ACOT12: variants seen among roughly 807,000 people sequenced by gnomAD.
ACOT12 encodes the protein acyl-CoA thioesterase 12.
ACOT12 carries 51 observed loss-of-function variants against 67.7 expected under a neutral mutation model. The ratio of observed to expected loss-of-function variants is 0.75; its 90% CI spans 0.60 to 0.95. ACOT12 has a LOEUF of 0.95. Among genes scored for constraint, ACOT12 ranks in the 40% least tolerant of loss-of-function variants. The probability of loss-of-function intolerance (pLI) is 0.00; values close to 1 mark genes in which losing one functional copy is unlikely to be tolerated. For missense variants in ACOT12, 734 were observed against 708.1 expected (o/e 1.04, Z -0.41); for synonymous variants, 251 against 244.6 (o/e 1.03, Z -0.24).
chr5:81,353,123 C>T (rs187528825), intron 5 of ACOT12, among the ~76,000 whole-genome samples: 1 of 152,218 alleles, frequency 6.6e-6, no homozygotes, highest in African/African-American at 2.4e-5. Context: ...TAAAGAGAAA[C>T]CACATACTTC....
intron 11 of ACOT12, among the ~76,000 whole-genome samples, chr5:81,336,295 G>A (rs1283246987): frequency 6.6e-6 from 1 of 152,160 alleles, no homozygotes; most frequent in Non-Finnish European, 1.5e-5. Flanking sequence ...CCTCAAAAGA[G>A]CAGAGTCAAG....
chr5:81,375,960 A>T (rs1760398617), intron 2 of ACOT12, among the ~76,000 whole-genome samples: 1 of 152,194 alleles, frequency 6.6e-6, no homozygotes, highest in Non-Finnish European at 1.5e-5. Flanking sequence ...GATATTCAGA[A>T]CTTGAACTCA....
chr5:81,356,971 C>T (rs903788643), intron 5 of ACOT12, among the ~76,000 whole-genome samples: 8 of 151,968 alleles, frequency 5.3e-5, no homozygotes, highest in African/African-American at 1.9e-4. Context: ...CCAAGCCTCT[C>T]GACATGGCCC....
chr5:81,371,222 T>G (rs1309144864), intron 3 of ACOT12, among the ~76,000 whole-genome samples: 1 of 152,180 alleles, frequency 6.6e-6, no homozygotes, highest in East Asian at 1.9e-4. Context: ...AATAGTGTAC[T>G]GTATCATGTT....
chr5:81,335,967 C>T, intron 11 of ACOT12, 66 bp from the exon 12 acceptor site: 1 of 1,503,764 alleles, frequency 6.6e-7, no homozygotes. Context: ...AAACCATATG[C>T]ATATATATGT....
the ACOT12 span, among the ~76,000 whole-genome samples, chr5:81,315,116 G>A: frequency 2.0e-4 from 30 of 152,200 alleles, no homozygotes; most frequent in South Asian, 5.2e-3. Flanking sequence ...TTTCAGTCCC[G>A]TCTTTTCACC....
chr5:81,349,581 C>T (rs904846191), intron 5 of ACOT12, among the ~76,000 whole-genome samples: 3 of 152,196 alleles, frequency 2.0e-5, no homozygotes, highest in Non-Finnish European at 4.4e-5. Flanking sequence ...CTCTGACCTC[C>T]ACAGCTCAGC....
chr5:81,372,315 A>C lies in ACOT12; in HGVS notation c.198-505T>G, dbSNP rs561650960. ...ACTATTATTGAAACTTCGATCATGT[A>C]ACCTGAAGTTGTTCCAAAACTTTTG... is the stretch of plus-strand genomic sequence containing the variant. On this transcript the variant is annotated intron_variant, in intron 2 of 14. Coordinates refer to ENST00000307624, the MANE Select transcript of ACOT12 (RefSeq NM_130767.3). Among the ~76,000 whole-genome samples, 22 of 152,284 alleles carry C rather than the reference A, an allele frequency of 1.4e-4. No homozygotes were observed. In the East Asian group the frequency reaches 3.9e-3, roughly 27 times the overall value.
At chr5:81,334,152 C>T (rs1328760105) in intron 12 of ACOT12, among the ~76,000 whole-genome samples, 1 of 152,034 alleles carries the variant, frequency 6.6e-6, no homozygotes, top group Non-Finnish European at 1.5e-5. Context: ...AAAGCAACTT[C>T]CACCACTCAA....
At chr5:81,383,016 T>C (rs1441790819) in intron 2 of ACOT12, among the ~76,000 whole-genome samples, 1 of 152,174 alleles carries the variant, frequency 6.6e-6, no homozygotes. Context: ...TATTACCATG[T>C]TTCCAATATC....
At chr5:81,374,562 C>T (rs542149423) in intron 2 of ACOT12, among the ~76,000 whole-genome samples, 1 of 152,090 alleles carries the variant, frequency 6.6e-6, no homozygotes, top group Non-Finnish European at 1.5e-5. Flanking sequence ...GGAGCATGTT[C>T]TAACCCAATG....
chr5:81,385,524 G>A (rs1760703279), intron 2 of ACOT12, among the ~76,000 whole-genome samples: 1 of 152,116 alleles, frequency 6.6e-6, no homozygotes. Context: ...ATGCATCTAA[G>A]GCTGAGAGCT....
At chr5:81,370,110 A>G (rs189205866) in intron 3 of ACOT12, among the ~76,000 whole-genome samples, 47 of 152,202 alleles carry the variant, frequency 3.1e-4, no homozygotes, top group South Asian at 4.1e-4. Flanking sequence ...GTGAAACCCC[A>G]TCTCTACTAA....
downstream of ACOT12, among the ~76,000 whole-genome samples, chr5:81,329,506 C>A (rs1439144622): frequency 2.6e-5 from 4 of 152,116 alleles, no homozygotes; most frequent in Non-Finnish European, 5.9e-5. Context: ...GTAGGGGGAG[C>A]AGAGGTAGAA....
At chr5:81,315,273 G>A in the ACOT12 span, among the ~76,000 whole-genome samples, 9 of 152,096 alleles carry the variant, frequency 5.9e-5, no homozygotes, top group Admixed American at 5.2e-4. Context: ...CATGAGGCCT[G>A]AATCTCAAGT....
the ACOT12 span, chr5:81,309,071 G>A: frequency 6.8e-7 from 1 of 1,479,002 alleles, no homozygotes; most frequent in Non-Finnish European, 9.3e-7. Flanking sequence ...AGCAGAAATG[G>A]TGAGTCATCG....
At position 81,361,077 on chromosome 5, in the gene ACOT12, C is replaced by CAAAAAAAAAAA. The variant is rs71000820; in HGVS notation, c.361-1050_361-1040dup. ...TGGGAGACAGAGTGAGACTCCATCTCAAAAAAAAAAAAAAAAAAAAAAGAA... is the reference window on the plus strand; with the variant it reads ...TGGGAGACAGAGTGAGACTCCATCTCAAAAAAAAAAAAAAAAAAAAAAAAAAAAAAAAAGAA... On this transcript the variant is annotated intron_variant, in intron 4 of 14. Coordinates refer to ENST00000307624, the MANE Select transcript of ACOT12 (RefSeq NM_130767.3). 1.1e-3 allele frequency among the ~76,000 whole-genome samples: 57 copies of CAAAAAAAAAAA among 52,626 alleles called. 5 individuals carry two copies. Among genetic ancestry groups the CAAAAAAAAAAA allele is most frequent in the Admixed American group, 4.8e-4 (2 of 4,154 alleles). 34.5% of individuals were successfully genotyped at this position (52,626 alleles called of 152,430 possible). A position where few individuals can be genotyped will look rare whatever the true frequency, so the allele number is the denominator to read the frequency against.
chr5:81,331,273 C>T (rs1035487539), intron 13 of ACOT12, among the ~76,000 whole-genome samples: 3 of 152,228 alleles, frequency 2.0e-5, no homozygotes, highest in Non-Finnish European at 2.9e-5. Flanking sequence ...TGCAGTGGCT[C>T]ACGCCTGTAA....
At chr5:81,320,007 T>TCTTA in the ACOT12 span, among the ~76,000 whole-genome samples, 1 of 152,120 alleles carries the variant, frequency 6.6e-6, no homozygotes, top group Non-Finnish European at 1.5e-5. Flanking sequence ...AATGATAGTG[T>TCTTA]CTTAGACTAG....
Sources: gnomAD v4.1 joint callset for allele counts (sites outside exome capture counted in the v4.1 genomes callset) on GRCh38, gnomAD v4.1.1 for gene constraint, MANE v1.5 for transcripts, NCBI Gene and HGNC (gene_info 2026-07-23, HGNC 2026-07-21) for gene names.